Variants in WDR59 observed in about 807,000 individuals in gnomAD.
The protein encoded by WDR59 is WD repeat domain 59.
In WDR59, 100 loss-of-function variants were observed where a neutral mutation model predicts 131.2. The ratio of observed to expected loss-of-function variants is 0.76; its 90% CI spans 0.65 to 0.90. The LOEUF (loss-of-function observed/expected upper bound fraction) is 0.90. Among genes scored for constraint, WDR59 ranks in the 40% least tolerant of loss-of-function variants. The pLI is 0.00. For synonymous variants in WDR59, 601 were observed against 466.2 expected (o/e 1.29, Z -3.72); for missense variants, 1,203 against 1,262.2 (o/e 0.95, Z 0.71).
chr16:74,886,160 G>T, intron 24 of WDR59, 110 bp downstream of exon 24: 1 of 1,280,028 alleles, frequency 7.8e-7, no homozygotes, highest in East Asian at 2.3e-5. Context: ...CCTAGTGACC[G>T]GGTAAGATTC....
intron 1 of WDR59, among the ~76,000 whole-genome samples, chr16:74,967,398 T>A (rs572655778): frequency 3.3e-5 from 5 of 152,120 alleles, no homozygotes; most frequent in Non-Finnish European, 5.9e-5. Flanking sequence ...ATCTGTGTAA[T>A]CTTTCTGGGG....
Position 74,984,967 on chromosome 16 carries a change from G to T in WDR59, c.51C>A (p.Ser17=), listed in dbSNP as rs1396065089. ...CTCCACTCGGCCTCTAGCTCACCTG[G>T]GAGTCACGGAACTCTACAACCACGT... is the stretch of plus-strand genomic sequence containing the variant. ...SENVVVEFRD[S]QATAMSVDCL... The change falls in exon 1 of 26, where the codon TCC becomes TCA. Residue 17 remains serine (S), a synonymous_variant. Coordinates refer to ENST00000262144, the MANE Select transcript of WDR59 (RefSeq NM_030581.4). The T allele has an allele frequency of 6.2e-7, 1 of 1,603,844 alleles. No individual in the cohort carries two copies. Among genetic ancestry groups the T allele is most frequent in the East Asian group, 2.2e-5 (1 of 44,478 alleles).
At chr16:74,924,066 A>T in intron 8 of WDR59, 63 bp from the exon 9 acceptor site, 2 of 1,517,862 alleles carry the variant, frequency 1.3e-6, no homozygotes, top group East Asian at 4.5e-5. Flanking sequence ...TACTGAAATA[A>T]GCACAGCCTT....
At chr16:74,980,671 AT>A (rs932834658) in intron 1 of WDR59, among the ~76,000 whole-genome samples, 4 of 152,156 alleles carry the variant, frequency 2.6e-5, no homozygotes, top group Admixed American at 6.5e-5. Flanking sequence ...AAAAGTTTTA[AT>A]TTTAAAAAAT....
At chr16:74,889,644 G>T in intron 21 of WDR59, 59 bp downstream of exon 21, 1 of 1,406,010 alleles carries the variant, frequency 7.1e-7, no homozygotes, top group East Asian at 2.3e-5. Flanking sequence ...CATTTCAAGT[G>T]TTTACAGACC....
intron 10 of WDR59, among the ~76,000 whole-genome samples, chr16:74,920,717 T>A (rs1370730630): frequency 6.6e-6 from 1 of 152,204 alleles, no homozygotes; most frequent in East Asian, 1.9e-4. Context: ...CTTATGATAT[T>A]TTCAACTTAC....
chr16:74,932,095 TATTTA>T (rs1024717538), intron 8 of WDR59, among the ~76,000 whole-genome samples: 1 of 150,370 alleles, frequency 6.7e-6, no homozygotes, highest in Non-Finnish European at 1.5e-5. Context: ...ATATTTATTT[TATTTA>T]TTTATTTTTT....
intron 25 of WDR59, among the ~76,000 whole-genome samples, chr16:74,884,061 T>A (rs1305014757): frequency 6.6e-6 from 1 of 152,234 alleles, no homozygotes; most frequent in Non-Finnish European, 1.5e-5. Context: ...GTTTCATCTT[T>A]CTTCCTGATC....
intron 1 of WDR59, among the ~76,000 whole-genome samples, chr16:74,967,561 C>G (rs897004829): frequency 1.3e-5 from 2 of 152,070 alleles, no homozygotes; most frequent in Non-Finnish European, 2.9e-5. Flanking sequence ...AATCAATTGA[C>G]CTTAAGATAG....
At chr16:74,962,123 A>C (rs559919822) in intron 2 of WDR59, among the ~76,000 whole-genome samples, 1 of 152,208 alleles carries the variant, frequency 6.6e-6, no homozygotes, top group East Asian at 1.9e-4. Context: ...TATTTCTGAT[A>C]TCTCTATTCT....
chr16:74,973,718 T>C (rs932570147), intron 1 of WDR59, among the ~76,000 whole-genome samples: 1 of 152,198 alleles, frequency 6.6e-6, no homozygotes, highest in Non-Finnish European at 1.5e-5. Context: ...TCTTTGAATG[T>C]CATGGTGGAT....
chr16:74,916,098 T>G, intron 12 of WDR59, 29 bp downstream of exon 12: 1 of 1,614,220 alleles, frequency 6.2e-7, no homozygotes, highest in Non-Finnish European at 8.5e-7. Context: ...GAGTGGCACC[T>G]TACCTGAGAC....
intron 18 of WDR59, among the ~76,000 whole-genome samples, chr16:74,901,789 C>T (rs762298859): frequency 3.3e-5 from 5 of 152,090 alleles, no homozygotes; most frequent in Non-Finnish European, 5.9e-5. Flanking sequence ...GAAAATGCTC[C>T]TCAAGGATTA....
chr16:74,893,814 T>C lies in WDR59; in HGVS notation c.1867-2A>G. The C allele has an allele frequency of 6.2e-7, 1 of 1,614,062 alleles. No homozygotes were observed. On this transcript the variant is annotated splice_acceptor_variant, in intron 18 of 25. Coordinates refer to ENST00000262144, the MANE Select transcript of WDR59 (RefSeq NM_030581.4). LOFTEE classifies it high-confidence loss of function. ...CTTACTTTTCCATCGTCTTGATTTC[T>C]AGGGGTAGATGACAGGATGTAACTA...
chr16:74,938,651 C>T (rs1255518423), intron 7 of WDR59, among the ~76,000 whole-genome samples: 1 of 152,128 alleles, frequency 6.6e-6, no homozygotes, highest in Non-Finnish European at 1.5e-5. Context: ...GTCCTCCCAC[C>T]TCAGCCCTCC....
chr16:74,902,328 T>G (rs1440268060), intron 18 of WDR59, among the ~76,000 whole-genome samples: 1 of 152,116 alleles, frequency 6.6e-6, no homozygotes, highest in Non-Finnish European at 1.5e-5. Context: ...CCACCCCAAA[T>G]TGAAATTTCA....
intron 2 of WDR59, 32 bp from the exon 3 acceptor site, chr16:74,956,642 A>T: frequency 6.2e-7 from 1 of 1,603,448 alleles, no homozygotes; most frequent in Non-Finnish European, 8.5e-7. Context: ...ATAATAGTAT[A>T]AAAACACAAC....
At position 74,873,556 on chromosome 16, in the gene WDR59, G is replaced by C. The variant is rs531161792; in HGVS notation, c.*653C>G. On this transcript the variant is annotated 3_prime_UTR_variant, in exon 26 of 26. Coordinates refer to ENST00000262144, the MANE Select transcript of WDR59 (RefSeq NM_030581.4). ...TTCAATTAGAATTAGGGTAAAAAAT[G>C]ATTCACCATAATGTTGTTTAACTTT... 6.7e-6 allele frequency: 1 copy of C among 149,146 alleles called. No individual in the cohort carries two copies. Among genetic ancestry groups the C allele is most frequent in the African/African-American group, 2.5e-5 (1 of 40,456 alleles). The allele number at this position is 149,146 out of a possible 1,614,324, so 9.2% of individuals were successfully genotyped here.
intron 6 of WDR59, among the ~76,000 whole-genome samples, chr16:74,948,310 C>T (rs747131684): frequency 2.0e-5 from 3 of 152,252 alleles, no homozygotes; most frequent in Non-Finnish European, 4.4e-5. Flanking sequence ...CCACACCCAA[C>T]AGTCCTAACT....
Sources: gnomAD v4.1 joint callset for allele counts (sites outside exome capture counted in the v4.1 genomes callset) on GRCh38, gnomAD v4.1.1 for gene constraint, MANE v1.5 for transcripts, NCBI Gene and HGNC (gene_info 2026-07-23, HGNC 2026-07-21) for gene names.